The following DNM3 variants were observed in gnomAD, a reference collection of about 807,000 sequenced individuals.
The protein encoded by DNM3 is dynamin-3.
Under a neutral mutation model 101.6 loss-of-function variants are expected in DNM3, and 47 were observed. That is an observed-to-expected ratio of 0.46 (90% CI 0.37 to 0.59). DNM3 has a LOEUF of 0.59. Ranked by LOEUF, DNM3 falls within the 20% of genes least tolerant of loss-of-function variation. DNM3 has a pLI of 0.00. For synonymous variants in DNM3, 385 were observed against 387.9 expected, an observed-to-expected ratio of 0.99 and a Z score of 0.09; for missense variants, 849 against 1,085.7, an observed-to-expected ratio of 0.78 and a Z score of 3.06.
intron 17 of DNM3, among the ~76,000 whole-genome samples, chr1:172,341,276 A>C (rs2066675864): frequency 6.6e-6 from 1 of 152,240 alleles, no homozygotes; most frequent in Admixed American, 6.5e-5. Context: ...ACTTATGGAT[A>C]GGAATAATCA....
chr1:172,233,596 A>T (rs1557857295), intron 14 of DNM3, among the ~76,000 whole-genome samples: 1 of 152,214 alleles, frequency 6.6e-6, no homozygotes, highest in Non-Finnish European at 1.5e-5. Flanking sequence ...AAAAAAGAGA[A>T]TTTTAGACCA....
chr1:172,133,586 T>C (rs942616406), intron 14 of DNM3, among the ~76,000 whole-genome samples: 1 of 152,138 alleles, frequency 6.6e-6, no homozygotes, highest in African/African-American at 2.4e-5. Flanking sequence ...GTTACTGTTC[T>C]ATGGAGCTAA....
At chr1:172,307,161 G>A (rs2064860322) in intron 15 of DNM3, among the ~76,000 whole-genome samples, 1 of 152,044 alleles carries the variant, frequency 6.6e-6, no homozygotes, top group Non-Finnish European at 1.5e-5. Context: ...AATCTACAAA[G>A]AACTTAAACA....
At chr1:171,999,654 A>C (rs2046239688) in intron 4 of DNM3, among the ~76,000 whole-genome samples, 1 of 152,136 alleles carries the variant, frequency 6.6e-6, no homozygotes, top group African/African-American at 2.4e-5. Flanking sequence ...CATACCTGTG[A>C]ATATTTGGAA....
chr1:172,073,988 G>GA (rs1433506612), intron 11 of DNM3, among the ~76,000 whole-genome samples: 2 of 152,096 alleles, frequency 1.3e-5, no homozygotes, highest in Non-Finnish European at 2.9e-5. Flanking sequence ...CCAAGTCTCT[G>GA]ACCTAGAGAT....
chr1:171,841,923 G>A, intron 1 of DNM3, 106 bp downstream of exon 1: 2 of 1,226,804 alleles, frequency 1.6e-6, no homozygotes, highest in Non-Finnish European at 2.1e-6. Context: ...TGGACCAGGC[G>A]CTGCGGTGGA....
chr1:172,276,786 G>A (rs1036302543), intron 15 of DNM3, among the ~76,000 whole-genome samples: 6 of 151,946 alleles, frequency 3.9e-5, no homozygotes, highest in African/African-American at 1.4e-4. Flanking sequence ...ACAATAAAGA[G>A]TATGAGAATT....
intron 1 of DNM3, among the ~76,000 whole-genome samples, chr1:171,851,828 T>A (rs1048663461): frequency 6.6e-6 from 1 of 152,258 alleles, no homozygotes; most frequent in African/African-American, 2.4e-5. Flanking sequence ...AAGGTAGTTA[T>A]AAGTACCACT....
intron 20 of DNM3, chr1:172,399,999 C>G (rs1330754057): frequency 6.6e-6 from 1 of 152,044 alleles, no homozygotes; most frequent in Non-Finnish European, 1.5e-5. Flanking sequence ...CAAGTCACAT[C>G]CCCATGCTTG....
At chr1:172,231,840 T>A (rs914280998) in intron 14 of DNM3, among the ~76,000 whole-genome samples, 1 of 152,074 alleles carries the variant, frequency 6.6e-6, no homozygotes. Context: ...AGAAAGGGTA[T>A]CAGTGATGGA....
intron 17 of DNM3, among the ~76,000 whole-genome samples, chr1:172,368,054 T>C (rs1042364116): frequency 6.6e-6 from 1 of 151,828 alleles, no homozygotes; most frequent in Non-Finnish European, 1.5e-5. Flanking sequence ...ACTCTCAGCA[T>C]TGCATAGATC....
intron 2 of DNM3, among the ~76,000 whole-genome samples, chr1:171,925,933 GT>G (rs1172474028): frequency 6.6e-6 from 1 of 152,162 alleles, no homozygotes; most frequent in African/African-American, 2.4e-5. Context: ...TGGTTAGGCA[GT>G]TTTCCCAACA....
chr1:171,955,911 CA>C (rs1315117716), intron 2 of DNM3, among the ~76,000 whole-genome samples: 1 of 152,110 alleles, frequency 6.6e-6, no homozygotes, highest in African/African-American at 2.4e-5. Flanking sequence ...AGAGGTTGTG[CA>C]GGGAAACTCC....
intron 6 of DNM3, 102 bp downstream of exon 6, chr1:172,033,367 A>G: frequency 7.9e-7 from 1 of 1,270,382 alleles, no homozygotes; most frequent in Non-Finnish European, 1.1e-6. Flanking sequence ...TTCCAAAACA[A>G]GACATGCAGC....
chr1:172,318,725 A>G (rs1264978871), intron 16 of DNM3, among the ~76,000 whole-genome samples: 2 of 152,212 alleles, frequency 1.3e-5, no homozygotes, highest in African/African-American at 4.8e-5. Flanking sequence ...CCACTGCTCA[A>G]TGAAATAAAA....
At chr1:172,367,768 A>G (rs2068098264) in intron 17 of DNM3, among the ~76,000 whole-genome samples, 1 of 151,876 alleles carries the variant, frequency 6.6e-6, no homozygotes, top group Admixed American at 6.6e-5. Flanking sequence ...ATACAAACAG[A>G]AACCCAAAAT....
intron 14 of DNM3, among the ~76,000 whole-genome samples, chr1:172,176,021 A>G (rs493630): frequency 0.033 from 4,974 of 151,828 alleles, 280 homozygotes; most frequent in African/African-American, 0.11. Context: ...AAGGGTGTCC[A>G]TATTTGAATC....
intron 15 of DNM3, among the ~76,000 whole-genome samples, 195 bp from the exon 16 acceptor site, chr1:172,308,533 T>C (rs772704427): frequency 6.6e-6 from 1 of 152,070 alleles, no homozygotes; most frequent in Non-Finnish European, 1.5e-5. Context: ...TGTGATTTTT[T>C]AAAAAATTAT....
chr1:172,296,593 G>A (rs1305933345), intron 15 of DNM3, among the ~76,000 whole-genome samples: 1 of 152,114 alleles, frequency 6.6e-6, no homozygotes, highest in Non-Finnish European at 1.5e-5. Context: ...GTTGCTGTAG[G>A]GGAATATTAG....
Sources: gnomAD v4.1 joint callset for allele counts (sites outside exome capture counted in the v4.1 genomes callset) on GRCh38, gnomAD v4.1.1 for gene constraint, MANE v1.5 for transcripts, NCBI Gene and HGNC (gene_info 2026-07-23, HGNC 2026-07-21) for gene names.